The following CACNB2 variants were observed in gnomAD, a reference collection of about 807,000 sequenced individuals.
CACNB2 encodes the protein calcium voltage-gated channel auxiliary subunit beta 2, also known as voltage-dependent L-type calcium channel subunit beta-2.
A neutral mutation model predicts 73.3 loss-of-function variants in CACNB2; 42 were observed. The observed-to-expected ratio is 0.57, with a 90% CI of 0.45 to 0.74. The LOEUF (loss-of-function observed/expected upper bound fraction) is 0.74. Among genes scored for constraint, CACNB2 ranks in the 30% least tolerant of loss-of-function variants. The pLI is 0.00. For synonymous variants in CACNB2, 348 were observed against 310.3 expected (o/e 1.12, Z -1.28); for missense variants, 940 against 853.0 (o/e 1.10, Z -1.27).
intron 2 of CACNB2, among the ~76,000 whole-genome samples, chr10:18,157,972 C>G (rs939559291): frequency 6.6e-6 from 1 of 152,012 alleles, no homozygotes; most frequent in Non-Finnish European, 1.5e-5. Context: ...TCCTCAGATT[C>G]CTAGTTTGTG....
chr10:18,496,850 A>C (rs2132994721), intron 3 of CACNB2, among the ~76,000 whole-genome samples: 1 of 151,370 alleles, frequency 6.6e-6, no homozygotes, highest in African/African-American at 2.4e-5. Context: ...AAAAGAAAAA[A>C]AAAGTAGGTT....
intron 2 of CACNB2, among the ~76,000 whole-genome samples, chr10:18,267,060 C>T (rs1258075203): frequency 6.6e-6 from 1 of 151,996 alleles, no homozygotes; most frequent in Admixed American, 6.6e-5. Context: ...CCTTAAATCA[C>T]TCAGAGCTTT....
chr10:18,467,229 T>C (rs1397856139), intron 3 of CACNB2, among the ~76,000 whole-genome samples: 2 of 152,222 alleles, frequency 1.3e-5, no homozygotes, highest in Admixed American at 1.3e-4. Context: ...TAATCTATTC[T>C]AAAGTAATTC....
intron 2 of CACNB2, among the ~76,000 whole-genome samples, chr10:18,271,657 C>T (rs967838785): frequency 6.6e-6 from 1 of 152,030 alleles, no homozygotes; most frequent in African/African-American, 2.4e-5. Flanking sequence ...GGCAGGTAGC[C>T]GTTCTCTGAA....
At chr10:18,155,875 G>GGA (rs906198444) in intron 2 of CACNB2, among the ~76,000 whole-genome samples, 19 of 81,412 alleles carry the variant, frequency 2.3e-4, no homozygotes, top group East Asian at 6.6e-4. Flanking sequence ...AGAGAGAGAG[G>GGA]GAGAGAGAGA....
At chr10:18,371,313 G>C (rs1351548004) in intron 2 of CACNB2, among the ~76,000 whole-genome samples, 1 of 151,964 alleles carries the variant, frequency 6.6e-6, no homozygotes, top group East Asian at 1.9e-4. Context: ...CCATTAACTT[G>C]TCATTTAACA....
rs1589085601 is a variant in CACNB2 at position 18,340,857 on chromosome 10, A to C, written c.214-61067A>C. ...AGCAAGACTTGGCTGCCTTTTAGCT[A>C]GTCCTGAATTCTTGCTCCTGTGAAG... is the stretch of plus-strand genomic sequence containing the variant. On this transcript the variant is annotated intron_variant, in intron 2 of 13. Transcript: ENST00000324631. 2.5e-6 allele frequency: 4 copies of C among 1,613,898 alleles called. No individual in the cohort carries two copies. The East Asian group carries it at 8.9e-5, about 36-fold the overall frequency.
chr10:18,402,651 A>G (rs903067653), intron 3 of CACNB2, among the ~76,000 whole-genome samples: 7 of 152,194 alleles, frequency 4.6e-5, no homozygotes, highest in Non-Finnish European at 1.0e-4. Context: ...TATGAAATAG[A>G]TAGTTACAGG....
intron 3 of CACNB2, 127 bp downstream of exon 3, chr10:18,402,170 G>A: frequency 6.3e-6 from 7 of 1,111,724 alleles, no homozygotes; most frequent in Admixed American, 5.5e-5. Flanking sequence ...TTTTAGAAAG[G>A]TACAAAAAAT....
Position 18,464,833 on chromosome 10 carries a change from T to G in CACNB2, c.334-33522T>G, listed in dbSNP as rs187642598. Among the ~76,000 whole-genome samples the G allele has an allele frequency of 5.3e-3, 803 of 152,326 alleles. 28 individuals carry two copies. The highest frequency in any genetic ancestry group is 1.0e-3 in the Non-Finnish European group (70 of 68,032). On this transcript the variant is annotated intron_variant, in intron 3 of 13. Coordinates refer to ENST00000324631, the MANE Select transcript of CACNB2 (RefSeq NM_201596.3). ...GAGAGGAGGGGAGGCATTTTAAAAC[T>G]ATGTATTTAGTGGTTAGAACATGCA... is the stretch of plus-strand genomic sequence containing the variant.
intron 12 of CACNB2, among the ~76,000 whole-genome samples, chr10:18,536,765 C>CT (rs2053647119): frequency 1.3e-5 from 2 of 152,036 alleles, no homozygotes; most frequent in Non-Finnish European, 2.9e-5. Context: ...TGTTAATATC[C>CT]AACACAAGAT....
At chr10:18,196,437 C>T (rs2034628938) in intron 2 of CACNB2, among the ~76,000 whole-genome samples, 1 of 152,016 alleles carries the variant, frequency 6.6e-6, no homozygotes, top group Non-Finnish European at 1.5e-5. Flanking sequence ...TTACCTCAGC[C>T]TCCCGAGTAG....
intron 2 of CACNB2, among the ~76,000 whole-genome samples, chr10:18,363,736 G>A (rs1376815300): frequency 6.6e-6 from 1 of 151,688 alleles, no homozygotes; most frequent in Non-Finnish European, 1.5e-5. Context: ...ATAGCTGTGT[G>A]ACACTTGGTA....
In CACNB2 at chr10:18,169,397, A is replaced by G. The variant is rs372517353; in HGVS notation, c.213+18422A>G. Among the ~76,000 whole-genome samples, 14 of 152,300 alleles carry G rather than the reference A, an allele frequency of 9.2e-5. No individual in the cohort carries two copies. The South Asian group carries it at 2.1e-3, about 23-fold the overall frequency. ...TACAAATAGGTTTCTTCTGATTACA[A>G]AAGGCATATAATACTCCCTTGAAAA... On this transcript the variant is annotated intron_variant, in intron 2 of 13. Coordinates refer to ENST00000324631, the MANE Select transcript of CACNB2 (RefSeq NM_201596.3).
intron 2 of CACNB2, chr10:18,400,866 G>A (rs1041950578): frequency 6.6e-7 from 1 of 1,505,822 alleles, no homozygotes; most frequent in African/African-American, 1.4e-5. Flanking sequence ...CTGGATGGGA[G>A]TCCTCTGGGG....
chr10:18,353,519 A>T (rs2041798633), intron 2 of CACNB2, among the ~76,000 whole-genome samples: 1 of 152,222 alleles, frequency 6.6e-6, no homozygotes, highest in Non-Finnish European at 1.5e-5. Context: ...CTGTAACTTT[A>T]TGATATAAAC....
chr10:18,169,420 A>AAAT (rs1419997290), intron 2 of CACNB2, among the ~76,000 whole-genome samples: 1 of 152,198 alleles, frequency 6.6e-6, no homozygotes, highest in Admixed American at 6.5e-5. Context: ...ACTCCCTTGA[A>AAAT]AATAACCCAG....
At position 18,212,528 on chromosome 10, in the gene CACNB2, AT is replaced by A. The variant is rs2035358680; in HGVS notation, c.213+61559del. On this transcript the variant is annotated intron_variant, in intron 2 of 13. Transcript: ENST00000324631. ...AGTTGTGATGTTGTCAACTTGAACC[AT>A]TTTTTCCTTTGTTTTCCATTTCTCA... is the stretch of plus-strand genomic sequence containing the variant. 2.6e-5 allele frequency among the ~76,000 whole-genome samples: 4 copies of A among 151,922 alleles called. No individual in the cohort carries two copies. In the South Asian group the frequency reaches 6.2e-4, roughly 24 times the overall value.
chr10:18,380,358 T>G (rs2042963325), intron 2 of CACNB2, among the ~76,000 whole-genome samples: 1 of 152,156 alleles, frequency 6.6e-6, no homozygotes, highest in African/African-American at 2.4e-5. Flanking sequence ...CCAAAGTACA[T>G]TCTTTGCATA....
Sources: gnomAD v4.1 joint callset for allele counts (sites outside exome capture counted in the v4.1 genomes callset) on GRCh38, gnomAD v4.1.1 for gene constraint, MANE v1.5 for transcripts, NCBI Gene and HGNC (gene_info 2026-07-23, HGNC 2026-07-21) for gene names.